The following ERAP1 variants were observed in gnomAD, a reference collection of about 807,000 sequenced individuals.
ERAP1 encodes the protein endoplasmic reticulum aminopeptidase 1.
ERAP1 carries 86 observed loss-of-function variants against 103.7 expected under a neutral mutation model. The ratio of observed to expected loss-of-function variants is 0.83; its 90% CI spans 0.70 to 0.99. ERAP1 has a LOEUF of 0.99. Ranked by LOEUF, ERAP1 falls within the 50% of genes least tolerant of loss-of-function variation. ERAP1 has a pLI of 0.00. For missense variants in ERAP1, 1,009 were observed against 1,128.4 expected (o/e 0.89, Z 1.52); for synonymous variants, 398 against 402.4 (o/e 0.99, Z 0.13).
At chr5:96,912,666 A>T in the ERAP1 span, 2 of 1,610,958 alleles carry the variant, frequency 1.2e-6, no homozygotes. Context: ...AAGATTGTGT[A>T]TTCTGTGGGT....
At chr5:96,879,869 T>G in the ERAP1 span, 1 of 1,614,166 alleles carries the variant, frequency 6.2e-7, no homozygotes, top group Non-Finnish European at 8.5e-7. Flanking sequence ...TGGGGAACGA[T>G]TTCCTTGGCA....
the ERAP1 span, among the ~76,000 whole-genome samples, chr5:96,827,817 A>T: frequency 6.6e-6 from 1 of 152,200 alleles, no homozygotes; most frequent in Non-Finnish European, 1.5e-5. Flanking sequence ...ATAAAATTTA[A>T]GTCACCAAAT....
At chr5:96,814,215 G>A in the ERAP1 span, 2 of 455,902 alleles carry the variant, frequency 4.4e-6, no homozygotes, top group Admixed American at 2.4e-5. Flanking sequence ...GAGAACCTCA[G>A]TGTTTTGCTG....
the ERAP1 span, among the ~76,000 whole-genome samples, chr5:96,834,881 ATACT>A: frequency 2.0e-5 from 3 of 152,222 alleles, no homozygotes; most frequent in Non-Finnish European, 4.4e-5. Context: ...ACACTGCATA[ATACT>A]TACCCAGTAA....
chr5:96,783,455 C>CT (rs11429353), intron 14 of ERAP1, among the ~76,000 whole-genome samples: 152,364 of 152,372 alleles, frequency 1, 76,178 homozygotes, highest in Non-Finnish European at 1. Flanking sequence ...ATAAGATATC[C>CT]ATCTACTTAA....
chr5:96,782,515 A>G (rs1263068740), intron 15 of ERAP1, among the ~76,000 whole-genome samples: 3 of 152,220 alleles, frequency 2.0e-5, no homozygotes, highest in African/African-American at 7.2e-5. Context: ...ACAAGTCAGG[A>G]CGGCAGTAGG....
the ERAP1 span, among the ~76,000 whole-genome samples, chr5:96,820,791 A>G: frequency 0.66 from 100,407 of 152,054 alleles, 33,652 homozygotes; most frequent in Non-Finnish European, 0.72. Context: ...CAGCTCCCTC[A>G]GATTCAGAGA....
the ERAP1 span, chr5:96,915,832 A>C: frequency 2.2e-6 from 3 of 1,354,782 alleles, no homozygotes; most frequent in Non-Finnish European, 3.1e-6. Flanking sequence ...ATTGAAAGTA[A>C]ACTTAGATAT....
At chr5:96,801,854 C>CAAAAAAAAAAA (rs59332218) in intron 2 of ERAP1, among the ~76,000 whole-genome samples, 4 of 54,680 alleles carry the variant, frequency 7.3e-5, no homozygotes, top group African/African-American at 1.9e-4. Context: ...TCCGTCTCGA[C>CAAAAAAAAAAA]AAAAAAAAAA....
chr5:96,780,329 CT>C (rs1774968651), intron 18 of ERAP1, 93 bp downstream of exon 18: 1 of 538,814 alleles, frequency 1.9e-6, no homozygotes, highest in African/African-American at 2.8e-5. Context: ...CCATTTCTAA[CT>C]CACCACACCC....
the ERAP1 span, among the ~76,000 whole-genome samples, chr5:96,835,127 C>T: frequency 3.4e-4 from 52 of 152,294 alleles, no homozygotes; most frequent in Non-Finnish European, 5.9e-4. Flanking sequence ...GAAGGTAACA[C>T]CATGACACTG....
At chr5:96,908,854 A>G in the ERAP1 span, 2 of 1,178,196 alleles carry the variant, frequency 1.7e-6, no homozygotes, top group Non-Finnish European at 2.4e-6. Context: ...GCCCAGCTAT[A>G]ATGACCTACT....
downstream of ERAP1, chr5:96,770,376 T>C (rs537782500): frequency 1.2e-5 from 7 of 588,700 alleles, no homozygotes; most frequent in African/African-American, 3.7e-5. Flanking sequence ...TCTGACACCG[T>C]TGTTCAAAAA....
intron 13 of ERAP1, 193 bp downstream of exon 13, chr5:96,785,595 A>G: frequency 1.6e-6 from 1 of 619,622 alleles, no homozygotes; most frequent in Non-Finnish European, 2.9e-6. Flanking sequence ...TCCTTCCTTC[A>G]AGTGCCTTAG....
the ERAP1 span, chr5:96,873,623 A>C: frequency 5.5e-6 from 2 of 364,972 alleles, no homozygotes; most frequent in Admixed American, 6.7e-5. Context: ...CTCATCCAGA[A>C]GTGGAAAGCA....
the ERAP1 span, among the ~76,000 whole-genome samples, chr5:96,828,845 C>CA: frequency 6.6e-6 from 1 of 151,298 alleles, no homozygotes; most frequent in East Asian, 1.9e-4. Context: ...TTCTTCGTGA[C>CA]TTTTTTTTTA....
chr5:96,902,075 C>T, the ERAP1 span, among the ~76,000 whole-genome samples: 9 of 152,176 alleles, frequency 5.9e-5, no homozygotes. Flanking sequence ...ATGGCTGCTC[C>T]TTTATAATTA....
At chr5:96,886,045 G>A in the ERAP1 span, among the ~76,000 whole-genome samples, 1 of 152,212 alleles carries the variant, frequency 6.6e-6, no homozygotes, top group Admixed American at 6.5e-5. Flanking sequence ...GTGAGAGAAT[G>A]AGCATCATCT....
chr5:96,905,947 T>TTC, the ERAP1 span, among the ~76,000 whole-genome samples: 1 of 150,466 alleles, frequency 6.6e-6, no homozygotes, highest in Non-Finnish European at 1.5e-5. Context: ...CTTTTTAATT[T>TTC]TTTTTTTTTT....
Sources: allele counts gnomAD v4.1 joint callset (sites outside exome capture counted in the v4.1 genomes callset), GRCh38; gene constraint gnomAD v4.1.1; transcripts MANE v1.5; gene names NCBI Gene and HGNC (gene_info 2026-07-23, HGNC 2026-07-21).